The following TEX14 variants were observed in gnomAD, a reference collection of about 807,000 sequenced individuals.
TEX14 encodes the protein inactive serine/threonine-protein kinase TEX14.
Under a neutral mutation model 178.6 loss-of-function variants are expected in TEX14, and 168 were observed. That is an observed-to-expected ratio of 0.94 (90% CI 0.83 to 1.07). The LOEUF (loss-of-function observed/expected upper bound fraction) is 1.07. Among genes scored for constraint, TEX14 ranks in the 50% least tolerant of loss-of-function variants. The pLI, the probability that TEX14 is intolerant of heterozygous loss-of-function variation, is 0.00. For missense variants in TEX14, 1,730 were observed against 1,753.6 expected, an observed-to-expected ratio of 0.99 and a Z score of 0.24; for synonymous variants, 626 against 634.1, an observed-to-expected ratio of 0.99 and a Z score of 0.19.
intron 2 of TEX14, among the ~76,000 whole-genome samples, chr17:58,651,054 G>A (rs1268071882): frequency 2.6e-5 from 4 of 152,192 alleles, no homozygotes; most frequent in Non-Finnish European, 5.9e-5. Context: ...GATCACTTGA[G>A]CCCAGAAGTT....
rs375244390 is a variant in TEX14 at position 58,660,561 on chromosome 17, C to T, written c.-1-8559G>A. 1.5e-4 allele frequency: 120 copies of T among 780,914 alleles called. No homozygotes were observed. The Middle Eastern group carries it at 2.3e-3, about 15-fold the overall frequency. The allele number at this position is 780,914 out of a possible 1,614,324, so 48.4% of individuals were successfully genotyped here. ...GGAAGGTGTGCACCCTGCAGTCCTG[C>T]GGTGTTGTGGGAAGATTAGCCCATG... On this transcript the variant is annotated intron_variant, in intron 1 of 31. Coordinates refer to ENST00000349033, the MANE Select transcript of TEX14 (RefSeq NM_031272.5).
chr17:58,614,198 G>C (rs2045816429), intron 8 of TEX14, among the ~76,000 whole-genome samples: 1 of 152,006 alleles, frequency 6.6e-6, no homozygotes, highest in South Asian at 2.1e-4. Context: ...CAACATCAAG[G>C]AAATGTCAGG....
chr17:58,655,444 A>T (rs2046936821), intron 1 of TEX14, among the ~76,000 whole-genome samples: 1 of 151,654 alleles, frequency 6.6e-6, no homozygotes. Flanking sequence ...TGCCTCCCAA[A>T]GTGCTGGGAT....
chr17:58,609,171 G>A (rs77099424), intron 10 of TEX14, among the ~76,000 whole-genome samples: 5 of 152,080 alleles, frequency 3.3e-5, no homozygotes, highest in Non-Finnish European at 5.9e-5. Flanking sequence ...GTGCAGTGGC[G>A]TGATCTTGGC....
intron 28 of TEX14, among the ~76,000 whole-genome samples, chr17:58,563,533 T>C (rs1348148061): frequency 2.0e-5 from 3 of 148,862 alleles, no homozygotes; most frequent in Non-Finnish European, 4.4e-5. Context: ...GCACCTGTAG[T>C]CCCAGCTACT....
At chr17:58,685,582 CAGG>C (rs1441170204) in intron 1 of TEX14, among the ~76,000 whole-genome samples, 1 of 151,570 alleles carries the variant, frequency 6.6e-6, no homozygotes, top group Non-Finnish European at 1.5e-5. Context: ...GCCAAAGTAG[CAGG>C]AGTATAGGAA....
chr17:58,565,544 CAG>C (rs761422220), intron 27 of TEX14, among the ~76,000 whole-genome samples: 3 of 152,168 alleles, frequency 2.0e-5, no homozygotes, highest in Non-Finnish European at 4.4e-5. Flanking sequence ...CTTCATGAGA[CAG>C]AAATTATTGT....
intron 1 of TEX14, among the ~76,000 whole-genome samples, chr17:58,663,422 C>CA (rs764235419): frequency 0.14 from 8,003 of 57,592 alleles, 325 homozygotes; most frequent in African/African-American, 0.18. Flanking sequence ...AACTCCGTCT[C>CA]AAAAAAAAAA....
At chr17:58,663,288 G>A (rs1310639599) in intron 1 of TEX14, among the ~76,000 whole-genome samples, 4 of 151,162 alleles carry the variant, frequency 2.6e-5, no homozygotes, top group Admixed American at 6.6e-5. Flanking sequence ...CGGTTGTGGC[G>A]GTGCATGCCT....
At chr17:58,614,043 G>C (rs1379608131) in intron 8 of TEX14, among the ~76,000 whole-genome samples, 1 of 152,176 alleles carries the variant, frequency 6.6e-6, no homozygotes, top group African/African-American at 2.4e-5. Flanking sequence ...GGCCCTAACT[G>C]ATGAGACCTT....
chr17:58,634,002 C>G (rs889224398), intron 2 of TEX14, among the ~76,000 whole-genome samples: 1 of 150,354 alleles, frequency 6.7e-6, no homozygotes, highest in Non-Finnish European at 1.5e-5. Context: ...GGAAAGAAGC[C>G]AAAAAGTAGG....
intron 9 of TEX14, 93 bp from the exon 10 acceptor site, chr17:58,611,432 C>T (rs759428811): frequency 3.2e-4 from 287 of 905,666 alleles, no homozygotes; most frequent in Middle Eastern, 6.9e-4. Context: ...TCCATATGAT[C>T]CTCATGGTTA....
chr17:58,580,561 C>T (rs1481779513), intron 19 of TEX14, among the ~76,000 whole-genome samples: 5 of 152,132 alleles, frequency 3.3e-5, no homozygotes, highest in African/African-American at 7.2e-5. Context: ...CCACCCACCT[C>T]GGCCTCCCCA....
chr17:58,642,264 C>T (rs1285801920), intron 2 of TEX14, among the ~76,000 whole-genome samples: 12 of 152,194 alleles, frequency 7.9e-5, no homozygotes, highest in South Asian at 2.1e-4. Flanking sequence ...TCACATGGCA[C>T]AGTGTTCTAA....
At chr17:58,622,818 C>A in intron 4 of TEX14, 29 bp downstream of exon 4, 1 of 1,583,694 alleles carries the variant, frequency 6.3e-7, no homozygotes, top group Non-Finnish European at 8.6e-7. Context: ...TTCTAGTGGG[C>A]ATGGCTACAG....
chr17:58,659,313 T>A, intron 1 of TEX14: 1 of 978,308 alleles, frequency 1.0e-6, no homozygotes, highest in Non-Finnish European at 1.2e-6. Context: ...CATTATTTAC[T>A]TAATATTGCT....
intron 1 of TEX14, among the ~76,000 whole-genome samples, chr17:58,680,129 G>A (rs1311093097): frequency 6.6e-6 from 1 of 152,022 alleles, no homozygotes. Flanking sequence ...GCCCAGGCTG[G>A]GGTACAGTAG....
At chr17:58,631,223 A>G (rs1049085213) in intron 2 of TEX14, 9 of 796,788 alleles carry the variant, frequency 1.1e-5, no homozygotes, top group Non-Finnish European at 1.4e-5. Context: ...GCTCTTTGGG[A>G]AGCCGAGGCG....
intron 3 of TEX14, among the ~76,000 whole-genome samples, chr17:58,624,242 G>A (rs745869893): frequency 1.3e-5 from 2 of 151,982 alleles, no homozygotes; most frequent in Non-Finnish European, 2.9e-5. Flanking sequence ...GCAGTGAGCC[G>A]AGATCATGCC....
Sources: gnomAD v4.1 joint callset for allele counts (sites outside exome capture counted in the v4.1 genomes callset) on GRCh38, gnomAD v4.1.1 for gene constraint, MANE v1.5 for transcripts, NCBI Gene and HGNC (gene_info 2026-07-23, HGNC 2026-07-21) for gene names.